The following SORCS2 variants were observed in gnomAD, a reference collection of about 807,000 sequenced individuals.
SORCS2 encodes the protein VPS10 domain-containing receptor SorCS2.
Under a neutral mutation model 141.6 loss-of-function variants are expected in SORCS2, and 100 were observed. The observed-to-expected ratio is 0.71, with a 90% CI of 0.60 to 0.83. The LOEUF is 0.83. Among genes scored for constraint, SORCS2 ranks in the 40% least tolerant of loss-of-function variants. The pLI, the probability that SORCS2 is intolerant of heterozygous loss-of-function variation, is 0.00. For synonymous variants in SORCS2, 789 were observed against 676.9 expected (o/e 1.17, Z -2.57); for missense variants, 1,646 against 1,560.2 (o/e 1.05, Z -0.93).
chr4:7,664,475 A>G lies in SORCS2; in HGVS notation c.1071+4A>G, dbSNP rs751383054. ...GGACGATTACATCTTCTTTAAGGTA[A>G]GGTTGCTTCTGGGGCTTTTGGAAAT... On this transcript the variant is annotated splice_donor_region_variant and intron_variant, in intron 7 of 26. Coordinates refer to ENST00000507866, the MANE Select transcript of SORCS2 (RefSeq NM_020777.3). The surrounding 1 kb of genome is among the most constrained non-coding windows in gnomAD (Gnocchi z 4.7). The G allele has an allele frequency of 4.6e-5, 73 of 1,596,016 alleles. 2 individuals are homozygous for G. In the South Asian group the frequency reaches 7.2e-4, roughly 16 times the overall value.
At chr4:7,724,150 G>GGTTGTGGTGGTGATGGTGGTGATA (rs1726825057) in intron 19 of SORCS2, among the ~76,000 whole-genome samples, 1 of 135,394 alleles carries the variant, frequency 7.4e-6, no homozygotes, top group African/African-American at 3.3e-5. Context: ...TGATGGTCGT[G>GGTTGTGGTGGTGATGGTGGTGATA]GTGGTGGTGG....
At chr4:7,535,772 C>T (rs1712068629) in intron 3 of SORCS2, among the ~76,000 whole-genome samples, 1 of 152,242 alleles carries the variant, frequency 6.6e-6, no homozygotes, top group Non-Finnish European at 1.5e-5. Flanking sequence ...AGGGACCACA[C>T]ATGGCCATGG....
At chr4:7,434,808 C>G (rs1159941211) in intron 2 of SORCS2, 1 of 1,607,532 alleles carries the variant, frequency 6.2e-7, no homozygotes, top group Non-Finnish European at 8.5e-7. Flanking sequence ...TTGCACACTC[C>G]TGGGGGCCTG....
At chr4:7,397,995 C>T (rs1276638150) in intron 2 of SORCS2, among the ~76,000 whole-genome samples, 3 of 152,362 alleles carry the variant, frequency 2.0e-5, no homozygotes, top group South Asian at 2.1e-4. Flanking sequence ...CCAGAGTACC[C>T]GCTTCCCTCC....
intron 3 of SORCS2, among the ~76,000 whole-genome samples, chr4:7,570,126 C>T (rs907060970): frequency 7.2e-5 from 11 of 152,152 alleles, no homozygotes; most frequent in African/African-American, 2.4e-4. Context: ...TTGATAGAGC[C>T]GGAGAGGGGA....
intron 1 of SORCS2, among the ~76,000 whole-genome samples, chr4:7,367,739 A>G (rs1405196083): frequency 1.3e-5 from 2 of 152,256 alleles, no homozygotes; most frequent in Non-Finnish European, 2.9e-5. Flanking sequence ...GAAAGCGTGC[A>G]TTGAATTCAC....
chr4:7,305,795 C>G (rs573241646), intron 1 of SORCS2, among the ~76,000 whole-genome samples: 2 of 152,172 alleles, frequency 1.3e-5, no homozygotes, highest in African/African-American at 4.8e-5. Flanking sequence ...GGGCTGGGCC[C>G]GGGCACGCCC....
intron 1 of SORCS2, among the ~76,000 whole-genome samples, chr4:7,259,012 G>T (rs1462405465): frequency 6.6e-6 from 1 of 152,148 alleles, no homozygotes; most frequent in African/African-American, 2.4e-5. Flanking sequence ...GTTCTTTGTA[G>T]ATTCTGGATA....
chr4:7,461,414 G>A (rs879803901), intron 2 of SORCS2, among the ~76,000 whole-genome samples: 19 of 152,246 alleles, frequency 1.2e-4, no homozygotes, highest in East Asian at 3.9e-4. Context: ...GCCTGGCCGC[G>A]CCAAGGCCGC....
At chr4:7,197,341 G>T (rs1308481309) in intron 1 of SORCS2, among the ~76,000 whole-genome samples, 1 of 152,174 alleles carries the variant, frequency 6.6e-6, no homozygotes, top group Non-Finnish European at 1.5e-5. Context: ...TTGGTGGGGG[G>T]ACACAGTTCA....
intron 1 of SORCS2, among the ~76,000 whole-genome samples, chr4:7,268,767 G>A (rs1714917527): frequency 6.6e-6 from 1 of 152,168 alleles, no homozygotes; most frequent in Non-Finnish European, 1.5e-5. Flanking sequence ...AGGTGATGCT[G>A]GAACTGCTTC....
chr4:7,419,887 C>T (rs1327266668), intron 2 of SORCS2, among the ~76,000 whole-genome samples: 1 of 152,208 alleles, frequency 6.6e-6, no homozygotes, highest in Non-Finnish European at 1.5e-5. Context: ...TGAAGTTTCT[C>T]ACTTGTGCAA....
intron 1 of SORCS2, among the ~76,000 whole-genome samples, chr4:7,348,153 A>C (rs1416885168): frequency 6.6e-6 from 1 of 152,244 alleles, no homozygotes; most frequent in African/African-American, 2.4e-5. Context: ...GATGTGAGAC[A>C]GGTCATCTTG....
chr4:7,244,473 C>G (rs564311445), intron 1 of SORCS2, among the ~76,000 whole-genome samples: 39 of 152,348 alleles, frequency 2.6e-4, no homozygotes, highest in Middle Eastern at 3.4e-3. Flanking sequence ...CCCTGCCCCT[C>G]GGTCGCTGTT....
chr4:7,271,751 A>C (rs1196736899), intron 1 of SORCS2, among the ~76,000 whole-genome samples: 1 of 152,208 alleles, frequency 6.6e-6, no homozygotes, highest in African/African-American at 2.4e-5. Context: ...GGGCTGCCCA[A>C]GTTCTTGGAG....
chr4:7,583,326 C>T (rs923661904), intron 3 of SORCS2, among the ~76,000 whole-genome samples: 5 of 151,980 alleles, frequency 3.3e-5, no homozygotes, highest in Non-Finnish European at 5.9e-5. Context: ...CCAGAAAAGA[C>T]CTTAAGGATC....
chr4:7,559,949 G>T (rs1032306179), intron 3 of SORCS2, among the ~76,000 whole-genome samples: 10 of 152,344 alleles, frequency 6.6e-5, no homozygotes, highest in Non-Finnish European at 1.3e-4. Context: ...TCACTATTCT[G>T]GTTGGGGAGC....
chr4:7,691,590 C>T (rs1724259738), intron 11 of SORCS2, among the ~76,000 whole-genome samples: 1 of 152,116 alleles, frequency 6.6e-6, no homozygotes, highest in South Asian at 2.1e-4. Context: ...GACAGCCCAT[C>T]TGGACAGCCT....
At chr4:7,557,035 C>T (rs1001791932) in intron 3 of SORCS2, among the ~76,000 whole-genome samples, 3 of 152,112 alleles carry the variant, frequency 2.0e-5, no homozygotes, top group East Asian at 3.9e-4. Context: ...ATCCATCCAT[C>T]CCTTTACTTT....
Sources: gnomAD v4.1 joint callset for allele counts (sites outside exome capture counted in the v4.1 genomes callset) on GRCh38, gnomAD v4.1.1 for gene constraint, Gnocchi (gnomAD v3.1) non-coding constraint, MANE v1.5 for transcripts, NCBI Gene and HGNC (gene_info 2026-07-23, HGNC 2026-07-21) for gene names.